ADAMTSL3: variants seen among roughly 807,000 people sequenced by gnomAD.
ADAMTSL3 encodes ADAMTS like 3.
In ADAMTSL3, 128 loss-of-function variants were observed where a neutral mutation model predicts 201.7. The observed-to-expected ratio is 0.63, with a 90% confidence interval of 0.55 to 0.73. The LOEUF (loss-of-function observed/expected upper bound fraction) is 0.73. Ranked by LOEUF, ADAMTSL3 falls within the 30% of genes least tolerant of loss-of-function variation. The pLI, the probability that ADAMTSL3 is intolerant of heterozygous loss-of-function variation, is 0.00. For synonymous variants in ADAMTSL3, 738 were observed against 748.4 expected, an observed-to-expected ratio of 0.99 and a Z score of 0.23; for missense variants, 1,990 against 2,119.6, an observed-to-expected ratio of 0.94 and a Z score of 1.20.
At position 84,037,890 on chromosome 15, in the gene ADAMTSL3, T is replaced by TCTA; in HGVS notation, c.*84_*85insCTA. 12 of 1,504,942 alleles carry TCTA rather than the reference T, an allele frequency of 8.0e-6. No individual in the cohort carries two copies. The highest frequency in any genetic ancestry group is 2.5e-5 in the Admixed American group (1 of 40,192). 93.2% of individuals were successfully genotyped at this position (1,504,942 alleles called of 1,614,324 possible). A position where few individuals can be genotyped will look rare whatever the true frequency, so the allele number is the denominator to read the frequency against. On this transcript the variant is annotated 3_prime_UTR_variant, in exon 30 of 30. Transcript: ENST00000286744. The stretch of plus-strand genomic sequence containing the variant: ...TCCCCATGTCGCTGATTCAAAAACA[T>TCTA]GTATTTCTTAAAAGACTAGATTCTA...
In ADAMTSL3 at chr15:84,016,366, C is replaced by CT. The variant is rs3215154; in HGVS notation, c.4157-7dup. On this transcript the variant is annotated splice_polypyrimidine_tract_variant and intron_variant, in intron 24 of 29. Coordinates refer to ENST00000286744, the MANE Select transcript of ADAMTSL3 (RefSeq NM_207517.3). ...TAATGTCTAACTGGTAAAAGTGCTA[C>CT]TTTTTTTTTTCCTCAGAACGAAGAT... 0.019 allele frequency: 26,480 copies of CT among 1,381,786 alleles called. 717 individuals carry two copies. Among genetic ancestry groups the CT allele is most frequent in the African/African-American group, 0.17 (11,744 of 70,488 alleles). 85.6% of individuals were successfully genotyped at this position (1,381,786 alleles called of 1,614,324 possible).
intron 6 of ADAMTSL3, among the ~76,000 whole-genome samples, chr15:83,820,443 T>C (rs949960284): frequency 1.6e-4 from 24 of 151,994 alleles, no homozygotes; most frequent in African/African-American, 5.8e-4. Flanking sequence ...GATAACAGAG[T>C]GTTGGGCTCA....
intron 11 of ADAMTSL3, 132 bp downstream of exon 11, chr15:83,890,379 C>G: frequency 8.7e-7 from 1 of 1,143,724 alleles, no homozygotes; most frequent in Non-Finnish European, 1.2e-6. Context: ...TGCCTACATT[C>G]ACATTTGTAA....
At position 83,864,445 on chromosome 15, in the gene ADAMTSL3, A is replaced by G. The variant is rs776723893; in HGVS notation, c.802+5605A>G. Among the ~76,000 whole-genome samples, 6 of 152,390 alleles carry G rather than the reference A, an allele frequency of 3.9e-5. No individual in the cohort carries two copies. The East Asian group carries it at 7.7e-4, about 20-fold the overall frequency. On this transcript the variant is annotated intron_variant, in intron 8 of 29. Transcript: ENST00000286744. ...CAAGTTGGCTTCATCCCTGTGATGC[A>G]AGGCTGGTTCAACATACGCAAATCA...
At chr15:83,701,495 C>T (rs1015687680) in intron 2 of ADAMTSL3, among the ~76,000 whole-genome samples, 9 of 152,166 alleles carry the variant, frequency 5.9e-5, no homozygotes, top group Admixed American at 3.9e-4. Flanking sequence ...TTCTGTGTCC[C>T]CACCCAAATC....
chr15:84,002,941 T>C (rs201556721), intron 23 of ADAMTSL3, among the ~76,000 whole-genome samples: 56 of 106,376 alleles, frequency 5.3e-4, no homozygotes, highest in East Asian at 1.3e-3. Flanking sequence ...CTTTTCTTTT[T>C]TTTTTTTTTT....
At chr15:83,696,238 C>T (rs2061687319) in intron 2 of ADAMTSL3, among the ~76,000 whole-genome samples, 4 of 152,302 alleles carry the variant, frequency 2.6e-5, no homozygotes, top group Middle Eastern at 6.8e-3. Context: ...CCTGGCCGAT[C>T]TTGGTTTGTC....
intron 7 of ADAMTSL3, among the ~76,000 whole-genome samples, chr15:83,838,943 G>A (rs1352223525): frequency 6.6e-6 from 1 of 152,156 alleles, no homozygotes; most frequent in Non-Finnish European, 1.5e-5. Context: ...AGCACACACA[G>A]ACACCTGTAA....
chr15:83,794,654 G>A (rs1031106260), intron 4 of ADAMTSL3, among the ~76,000 whole-genome samples: 1 of 149,886 alleles, frequency 6.7e-6, no homozygotes, highest in Non-Finnish European at 1.5e-5. Flanking sequence ...TAAGGAAGAG[G>A]ATAGGGTGGG....
intron 3 of ADAMTSL3, among the ~76,000 whole-genome samples, chr15:83,714,651 C>A (rs1225454129): frequency 6.6e-6 from 1 of 151,842 alleles, no homozygotes; most frequent in African/African-American, 2.4e-5. Context: ...TCCTTTCTTT[C>A]TCTCTCTCCC....
intron 19 of ADAMTSL3, among the ~76,000 whole-genome samples, chr15:83,956,262 C>T (rs1360261208): frequency 6.6e-6 from 1 of 152,188 alleles, no homozygotes; most frequent in Non-Finnish European, 1.5e-5. Flanking sequence ...CAGATTCTCT[C>T]TCCGTGCCAT....
At chr15:83,939,273 A>G (rs757278518) in intron 17 of ADAMTSL3, among the ~76,000 whole-genome samples, 3 of 151,980 alleles carry the variant, frequency 2.0e-5, no homozygotes, top group Non-Finnish European at 4.4e-5. Context: ...GAGTTTATAT[A>G]AGGTTGGAAT....
At chr15:84,031,967 CT>C (rs1567314749) in intron 28 of ADAMTSL3, among the ~76,000 whole-genome samples, 1 of 152,076 alleles carries the variant, frequency 6.6e-6, no homozygotes, top group Non-Finnish European at 1.5e-5. Flanking sequence ...GATAGAAGAG[CT>C]TTTTTCATGG....
rs77914471 is a variant in ADAMTSL3 at position 83,790,206 on chromosome 15, G to A, written c.318-14444G>A. On this transcript the variant is annotated intron_variant, in intron 4 of 29. Coordinates refer to ENST00000286744, the MANE Select transcript of ADAMTSL3 (RefSeq NM_207517.3). ...ATATAATTTCTTCCAGAAAACAGAA[G>A]AGAAGGAATACTTTCCAATTCATTT... Among the ~76,000 whole-genome samples, 92 of 147,726 alleles carry A rather than the reference G, an allele frequency of 6.2e-4. No individual in the cohort carries two copies. The East Asian group carries it at 0.016, about 25-fold the overall frequency.
chr15:83,949,005 A>G (rs2066710475), intron 19 of ADAMTSL3, among the ~76,000 whole-genome samples: 1 of 152,188 alleles, frequency 6.6e-6, no homozygotes, highest in African/African-American at 2.4e-5. Context: ...CCTTTGTATA[A>G]TAAACAATCC....
intron 19 of ADAMTSL3, among the ~76,000 whole-genome samples, chr15:83,952,873 A>G (rs78613064): frequency 0.014 from 2,188 of 152,074 alleles, 56 homozygotes; most frequent in African/African-American, 0.047. Context: ...TATAAATTAA[A>G]CAATGACATT....
chr15:83,980,854 C>T (rs1442766301), intron 20 of ADAMTSL3, among the ~76,000 whole-genome samples: 1 of 152,190 alleles, frequency 6.6e-6, no homozygotes, highest in Non-Finnish European at 1.5e-5. Flanking sequence ...TGCAAGAGGA[C>T]TTCAGTTATT....
At chr15:83,714,580 C>T (rs1006099446) in intron 3 of ADAMTSL3, among the ~76,000 whole-genome samples, 10 of 152,002 alleles carry the variant, frequency 6.6e-5, no homozygotes, top group Non-Finnish European at 1.5e-4. Flanking sequence ...AGTAAGGCCA[C>T]CTTCACTTAC....
At chr15:83,772,451 C>T (rs2063000115) in intron 3 of ADAMTSL3, among the ~76,000 whole-genome samples, 1 of 152,138 alleles carries the variant, frequency 6.6e-6, no homozygotes, top group Non-Finnish European at 1.5e-5. Flanking sequence ...CCCTTCTTCT[C>T]TGTAGTATTC....
Sources: gnomAD v4.1 joint callset for allele counts (sites outside exome capture counted in the v4.1 genomes callset) on GRCh38, gnomAD v4.1.1 for gene constraint, MANE v1.5 for transcripts, NCBI Gene and HGNC (gene_info 2026-07-23, HGNC 2026-07-21) for gene names.